IRS2: variants seen among roughly 807,000 people sequenced by gnomAD.
The protein encoded by IRS2 is insulin receptor substrate 2.
IRS2 carries 28 observed loss-of-function variants against 70.9 expected under a neutral mutation model. The ratio of observed to expected loss-of-function variants is 0.39; its 90% confidence interval spans 0.29 to 0.54. The LOEUF (loss-of-function observed/expected upper bound fraction) is 0.54. Ranked by LOEUF, IRS2 falls within the 20% of genes least tolerant of loss-of-function variation. IRS2 has a pLI of 0.59. For synonymous variants in IRS2, 1,217 were observed against 981.9 expected (o/e 1.24, Z -4.48); for missense variants, 2,081 against 2,024.1 (o/e 1.03, Z -0.54).
Position 109,781,891 on chromosome 13 carries a change from C to A in IRS2, c.4012+151G>T, listed in dbSNP as rs1006561938. The A allele has an allele frequency of 2.9e-5, 24 of 817,934 alleles. No individual in the cohort carries two copies. In the African/African-American group the frequency reaches 3.8e-4, roughly 13 times the overall value. 50.7% of individuals were successfully genotyped at this position (817,934 alleles called of 1,614,324 possible). On this transcript the variant is annotated intron_variant, in intron 1 of 1. Coordinates refer to ENST00000375856, the MANE Select transcript of IRS2 (RefSeq NM_003749.3). ...AGTTCTCTGAAGGAAGAGAACAGGG[C>A]AGCCCGCAGAAAAACAAAACAAGGA...
chr13:109,757,675 TTTA>T (rs1277875011), intron 1 of IRS2, among the ~76,000 whole-genome samples: 2 of 152,170 alleles, frequency 1.3e-5, no homozygotes, highest in Admixed American at 1.3e-4. Context: ...ATCTATTTTA[TTTA>T]TTATTATTAT....
Position 109,755,807 on chromosome 13 carries a change from G to A in IRS2, c.*497C>T, listed in dbSNP as rs1202523621. ...CAGGGGCTACTACAGGAGGTCCTGT[G>A]GGACCCCCGCCACGGAAATCCGGCT... is the stretch of plus-strand genomic sequence containing the variant. On this transcript the variant is annotated 3_prime_UTR_variant, in exon 2 of 2. Transcript: ENST00000375856. 2 of 226,286 alleles carry A rather than the reference G, an allele frequency of 8.8e-6. No individual in the cohort carries two copies. The highest frequency in any genetic ancestry group is 1.0e-4 in the Admixed American group (2 of 19,554). The allele number at this position is 226,286 out of a possible 1,614,324, so 14.0% of individuals were successfully genotyped here. A position where few individuals can be genotyped will look rare whatever the true frequency, so the allele number is the denominator to read the frequency against.
intron 1 of IRS2, among the ~76,000 whole-genome samples, chr13:109,773,700 C>G (rs982859074): frequency 3.3e-5 from 5 of 152,210 alleles, no homozygotes; most frequent in African/African-American, 1.2e-4. Flanking sequence ...TGATTTATAA[C>G]GCGTTTCTTC....
chr13:109,785,145 G>A lies in IRS2; in HGVS notation c.909C>T (p.Arg303=), dbSNP rs1877878684. The A allele has an allele frequency of 2.5e-6, 4 of 1,597,846 alleles. No individual in the cohort carries two copies. Among genetic ancestry groups the A allele is most frequent in the Non-Finnish European group, 3.4e-6 (4 of 1,173,142 alleles). ...ALKELFEFRP[R]SKSQSSGSSA... ...ACGACCCCGACGATTGGCTCTTACT[G>A]CGCGGCCGGAACTCGAAGAGCTCCT... Residue 303 remains arginine, a synonymous_variant, in exon 1 of 2, where the codon CGC becomes CGT. Transcript: ENST00000375856. The surrounding 1 kb of genome is among the most constrained non-coding windows in gnomAD (Gnocchi z 9.3).
chr13:109,768,230 C>T (rs1877378321), intron 1 of IRS2, among the ~76,000 whole-genome samples: 1 of 152,228 alleles, frequency 6.6e-6, no homozygotes, highest in African/African-American at 2.4e-5. Context: ...TAGTTTTCTA[C>T]ATATTTCAGG....
At chr13:109,771,950 G>T (rs1319490542) in intron 1 of IRS2, among the ~76,000 whole-genome samples, 1 of 152,264 alleles carries the variant, frequency 6.6e-6, no homozygotes, top group African/African-American at 2.4e-5. Flanking sequence ...AAAGGATTAT[G>T]TGCATGGTTT....
chr13:109,784,443 A>T lies in IRS2; in HGVS notation c.1611T>A (p.Gly537=). Reference sequence around the variant, plus strand: ...CCATGGTCATGTACCCGTAGAACTCACCGCCGCCGCCGCCGTCTCGGGCCG... The same window carrying T: ...CCATGGTCATGTACCCGTAGAACTCTCCGCCGCCGCCGCCGTCTCGGGCCG... ...TPPARDGGGG[G]EFYGYMTMDR... is the part of the protein sequence containing the mutation. The change falls in exon 1 of 2, where the codon GGT becomes GGA. Residue 537 remains glycine (G), a synonymous_variant. Coordinates refer to ENST00000375856, the MANE Select transcript of IRS2 (RefSeq NM_003749.3). This position sits in a 1 kb window ranked among gnomAD's most constrained non-coding sequence, Gnocchi z 5.2. 1.3e-6 allele frequency: 2 copies of T among 1,583,654 alleles called. No individual in the cohort carries two copies. Among genetic ancestry groups the T allele is most frequent in the South Asian group, 2.2e-5 (2 of 89,728 alleles).
rs1877783519 is a variant in IRS2 at position 109,783,310 on chromosome 13, C to T, written c.2744G>A (p.Ser915Asn). Residue 915 changes from serine to asparagine, a missense_variant, in exon 1 of 2, where the codon AGC becomes AAC. This residue lies in a region of IRS2 where 1,615 missense variants were observed against 1,459.5 expected (regional missense o/e 1.11). Transcript: ENST00000375856. ...GTCGATGTTGATGTACTCGCCGGGG[C>T]TCTTGGGCTCCGGTGGCAGTGGGTA... ...HEYPLPPEPK[S>N]PGEYINIDFG... The T allele has an allele frequency of 6.5e-7, 1 of 1,547,726 alleles. No individual in the cohort carries two copies. Among genetic ancestry groups the T allele is most frequent in the Admixed American group, 1.8e-5 (1 of 54,280 alleles).
At chr13:109,779,001 A>T (rs537119156) in intron 1 of IRS2, among the ~76,000 whole-genome samples, 73 of 141,078 alleles carry the variant, frequency 5.2e-4, no homozygotes, top group African/African-American at 1.7e-3. Flanking sequence ...TTCCACATGC[A>T]CACACACCAA....
intron 1 of IRS2, among the ~76,000 whole-genome samples, chr13:109,757,164 A>C (rs539262638): frequency 1.4e-4 from 22 of 152,254 alleles, no homozygotes; most frequent in Non-Finnish European, 2.1e-4. Context: ...TCCTTCTTCA[A>C]GGGACAGAAC....
intron 1 of IRS2, among the ~76,000 whole-genome samples, chr13:109,777,433 C>T (rs1016712654): frequency 6.6e-6 from 1 of 152,090 alleles, no homozygotes; most frequent in Non-Finnish European, 1.5e-5. Flanking sequence ...AAAAAAGAGC[C>T]TCATTTTAAA....
At chr13:109,773,502 C>A (rs769231579) in intron 1 of IRS2, among the ~76,000 whole-genome samples, 19 of 152,244 alleles carry the variant, frequency 1.2e-4, no homozygotes, top group Admixed American at 3.3e-4. Flanking sequence ...CAGGCTGAAC[C>A]TGTTACACAG....
intron 1 of IRS2, among the ~76,000 whole-genome samples, chr13:109,775,233 C>T (rs2138923219): frequency 6.6e-6 from 1 of 151,480 alleles, no homozygotes. Context: ...ATTCTCCTGC[C>T]TCAGCCTCCT....
intron 1 of IRS2, among the ~76,000 whole-genome samples, chr13:109,778,791 TAC>T (rs1877634560): frequency 6.6e-6 from 1 of 152,220 alleles, no homozygotes; most frequent in African/African-American, 2.4e-5. Flanking sequence ...TACATATATA[TAC>T]GCCAATTTTA....
intron 1 of IRS2, among the ~76,000 whole-genome samples, chr13:109,780,061 G>A (rs986789892): frequency 2.0e-5 from 3 of 152,074 alleles, no homozygotes; most frequent in Admixed American, 6.5e-5. Context: ...AGCTTATGGC[G>A]CCTGCTATGG....
Position 109,752,709 on chromosome 13 carries a change from GATTTT to G in IRS2, c.*3590_*3594del, listed in dbSNP as rs1178350385. 2.0e-5 allele frequency: 3 copies of G among 152,124 alleles called. No individual in the cohort carries two copies. Among genetic ancestry groups the G allele is most frequent in the Non-Finnish European group, 4.4e-5 (3 of 68,030 alleles). 9.4% of individuals were successfully genotyped at this position (152,124 alleles called of 1,614,324 possible). On this transcript the variant is annotated 3_prime_UTR_variant, in exon 2 of 2. Transcript: ENST00000375856. Reference sequence around the variant, plus strand: ...TAAAAATCACCTTCCAAATTGCACTGATTTTATTTGTTCAAAAGATAACACACACA... The same window carrying G: ...TAAAAATCACCTTCCAAATTGCACTGATTTGTTCAAAAGATAACACACACA...
rs1877096349 is a variant in IRS2 at position 109,755,883 on chromosome 13, A to G, written c.*421T>C. ...GGTCGTTTTGAGTGTAAGCCAGTAA[A>G]TACCAGATTTTACCACTTCCATAGG... On this transcript the variant is annotated 3_prime_UTR_variant, in exon 2 of 2. Transcript: ENST00000375856. 1 of 268,148 alleles carries G rather than the reference A, an allele frequency of 3.7e-6. No homozygotes were observed. The highest frequency in any genetic ancestry group is 2.2e-5 in the African/African-American group (1 of 45,970). 16.6% of individuals were successfully genotyped at this position (268,148 alleles called of 1,614,324 possible).
intron 1 of IRS2, among the ~76,000 whole-genome samples, chr13:109,776,190 A>T (rs1877573887): frequency 6.6e-6 from 1 of 152,186 alleles, no homozygotes; most frequent in Admixed American, 6.5e-5. Flanking sequence ...ACAGGGTGCA[A>T]TGCGTGTGAT....
chr13:109,784,544 C>T lies in IRS2; in HGVS notation c.1510G>A (p.Gly504Ser), dbSNP rs554521999. 5 of 1,494,532 alleles carry T rather than the reference C, an allele frequency of 3.3e-6. No individual in the cohort carries two copies. The highest frequency in any genetic ancestry group is 2.2e-5 in the Admixed American group (1 of 46,190). 92.6% of individuals were successfully genotyped at this position (1,494,532 alleles called of 1,614,324 possible). A position where few individuals can be genotyped will look rare whatever the true frequency, so the allele number is the denominator to read the frequency against. ...DPGFMSLDEY[G>S]SSPGDLRAFC... ...GCGCGCAGGTCGCCTGGGCTGGAGC[C>T]GTACTCGTCCAGGGACATGAAGCCG... is the stretch of plus-strand genomic sequence containing the variant. The change falls in exon 1 of 2, where the codon GGC becomes AGC. Residue 504 changes from glycine (G) to serine (S), a missense_variant. This residue lies in a region of IRS2 where 1,615 missense variants were observed against 1,459.5 expected (regional missense o/e 1.11). Coordinates refer to ENST00000375856, the MANE Select transcript of IRS2 (RefSeq NM_003749.3). The surrounding 1 kb of genome is among the most constrained non-coding windows in gnomAD (Gnocchi z 5.2).
Sources: allele counts gnomAD v4.1 joint callset (sites outside exome capture counted in the v4.1 genomes callset), GRCh38; gene constraint gnomAD v4.1.1; regional missense constraint gnomAD v4.1.1; non-coding constraint Gnocchi (gnomAD v3.1); transcripts MANE v1.5; gene names NCBI Gene and HGNC (gene_info 2026-07-23, HGNC 2026-07-21).